RFX1: variants seen among roughly 807,000 people sequenced by gnomAD.
RFX1 encodes the protein MHC class II regulatory factor RFX1.
A neutral mutation model predicts 119.6 loss-of-function variants in RFX1; 42 were observed. That is an observed-to-expected ratio of 0.35 (90% CI 0.27 to 0.45). The LOEUF (loss-of-function observed/expected upper bound fraction) is 0.45, where lower values mean the gene tolerates loss of function less well. Among genes scored for constraint, RFX1 ranks in the 20% least tolerant of loss-of-function variants. The pLI is 1.00. For synonymous variants in RFX1, 628 were observed against 618.5 expected (o/e 1.02, Z -0.23); for missense variants, 1,118 against 1,368.1 (o/e 0.82, Z 2.88).
At chr19:13,999,198 C>T (rs892088112) in intron 1 of RFX1, among the ~76,000 whole-genome samples, 10 of 152,132 alleles carry the variant, frequency 6.6e-5, no homozygotes, top group African/African-American at 1.9e-4. Flanking sequence ...TATATTTGAG[C>T]GTGAGAACCC....
Position 13,963,964 on chromosome 19 carries a change from G to C in RFX1, c.2255C>G (p.Thr752Arg), listed in dbSNP as rs1310502794. ...GAFAQTLRRY[T>R]SLNHLAQAAR... is the part of the protein sequence containing the mutation. ...CGCCTGCGCCAGGTGGTTGAGCGAC[G>C]TGTAGCGCCGCAGTGTCTGCGCGAA... is the stretch of plus-strand genomic sequence containing the variant. The change falls in exon 17 of 21, where the codon ACG (threonine) becomes AGG (arginine). Residue 752 changes from threonine to arginine, a missense_variant. This residue lies in a region of RFX1 where 338 missense variants were observed against 508.9 expected (regional missense o/e 0.66). Transcript: ENST00000254325. 1.9e-6 allele frequency: 3 copies of C among 1,541,526 alleles called. No individual in the cohort carries two copies. The highest frequency in any genetic ancestry group is 2.6e-6 in the Non-Finnish European group (3 of 1,147,290).
intron 1 of RFX1, among the ~76,000 whole-genome samples, chr19:13,995,158 C>T (rs1974965304): frequency 6.6e-6 from 1 of 151,732 alleles, no homozygotes; most frequent in South Asian, 2.1e-4. Flanking sequence ...GGTTAAGGTG[C>T]TTGCCCCAGG....
intron 5 of RFX1, among the ~76,000 whole-genome samples, chr19:13,981,313 G>A (rs767815140): frequency 1.3e-5 from 2 of 152,204 alleles, no homozygotes; most frequent in African/African-American, 2.4e-5. Flanking sequence ...AGGCTCAAAG[G>A]GGCCGGGCAT....
rs375240613 is a variant in RFX1 at position 13,963,546 on chromosome 19, G to A, written c.2562C>T (p.Ser854=). ...KAAKLFLLKW[S]FYSSMVIRDL... ...TCCCGCCGCGCGCGCACCTGTAGAA[G>A]GACCACTTGAGGAGGAAGAGCTTGG... Residue 854 remains serine (S), a synonymous_variant, in exon 18 of 21, where the codon TCC becomes TCT. Transcript: ENST00000254325. 116 of 1,603,786 alleles carry A rather than the reference G, an allele frequency of 7.2e-5. No homozygotes were observed. Among genetic ancestry groups the A allele is most frequent in the Non-Finnish European group, 9.1e-5 (107 of 1,178,942 alleles).
At position 13,968,445 on chromosome 19, in the gene RFX1, G is replaced by A. The variant is rs1001860324; in HGVS notation, c.1732+120C>T. 1 of 763,326 alleles carries A rather than the reference G, an allele frequency of 1.3e-6. No homozygotes were observed. The highest frequency in any genetic ancestry group is 2.3e-6 in the Non-Finnish European group (1 of 435,164). The allele number at this position is 763,326 out of a possible 1,614,324, so 47.3% of individuals were successfully genotyped here. ...TCTCCCCCACCCCCTGCTGGTTCTC[G>A]GGCATCTCTCACCAAGCCCTCCCCA... On this transcript the variant is annotated intron_variant, in intron 12 of 20. Transcript: ENST00000254325. The surrounding 1 kb of genome is among the most constrained non-coding windows in gnomAD (Gnocchi z 5.5).
chr19:13,997,105 G>GC (rs898679391), intron 1 of RFX1, among the ~76,000 whole-genome samples: 16 of 152,116 alleles, frequency 1.1e-4, no homozygotes, highest in African/African-American at 3.6e-4. Flanking sequence ...CAAAGGTTAC[G>GC]CCCCCTGCCC....
intron 1 of RFX1, among the ~76,000 whole-genome samples, chr19:13,999,868 G>A (rs1344187056): frequency 1.3e-5 from 2 of 152,020 alleles, no homozygotes. Context: ...TACAGATGGG[G>A]TTTCACCATG....
intron 1 of RFX1, among the ~76,000 whole-genome samples, chr19:13,995,856 A>T (rs1345850867): frequency 2.1e-5 from 3 of 143,564 alleles, no homozygotes; most frequent in African/African-American, 8.6e-5. Context: ...GTCTCCAAAA[A>T]AAAAAAAAAA....
intron 17 of RFX1, 52 bp downstream of exon 17, chr19:13,963,806 C>T (rs1973801278): frequency 6.7e-7 from 1 of 1,496,628 alleles, no homozygotes; most frequent in South Asian, 1.3e-5. Flanking sequence ...CCGCCTGGCC[C>T]GCCCCGTTAG....
intron 7 of RFX1, among the ~76,000 whole-genome samples, chr19:13,978,710 C>T (rs868354810): frequency 6.6e-6 from 1 of 152,100 alleles, no homozygotes; most frequent in Admixed American, 6.5e-5. Context: ...CCCCCGCCCC[C>T]GCCCGCCCGC....
chr19:13,967,964 C>T (rs1973957543), intron 12 of RFX1, among the ~76,000 whole-genome samples: 1 of 152,048 alleles, frequency 6.6e-6, no homozygotes, highest in Non-Finnish European at 1.5e-5. Context: ...GATTTGAAAT[C>T]TCATGTATGC....
chr19:13,997,795 G>C (rs1276758118), intron 1 of RFX1, among the ~76,000 whole-genome samples: 1 of 152,090 alleles, frequency 6.6e-6, no homozygotes, highest in East Asian at 1.9e-4. Flanking sequence ...AGCCGTTTGG[G>C]GCCTTCCCAC....
intron 8 of RFX1, among the ~76,000 whole-genome samples, chr19:13,977,333 G>A (rs1974280113): frequency 1.3e-5 from 2 of 151,432 alleles, no homozygotes; most frequent in Admixed American, 6.6e-5. Flanking sequence ...TGGATAGAGG[G>A]CTAGAGTTTC....
At position 13,969,094 on chromosome 19, in the gene RFX1, T is replaced by C. The variant is rs917383854; in HGVS notation, c.1497-200A>G. Reference sequence around the variant, plus strand: ...AGATCCAGCGGTTTGCCCAAGATTATGCATAAATGAATGGCTGAATGGATG... The same window carrying C: ...AGATCCAGCGGTTTGCCCAAGATTACGCATAAATGAATGGCTGAATGGATG... On this transcript the variant is annotated intron_variant, in intron 10 of 20. Coordinates refer to ENST00000254325, the MANE Select transcript of RFX1 (RefSeq NM_002918.5). The surrounding 1 kb of genome is among the most constrained non-coding windows in gnomAD (Gnocchi z 4.5). 6.6e-6 allele frequency among the ~76,000 whole-genome samples: 1 copy of C among 152,178 alleles called. No homozygotes were observed. Among genetic ancestry groups the C allele is most frequent in the Non-Finnish European group, 1.5e-5 (1 of 68,042 alleles).
At position 13,979,505 on chromosome 19, in the gene RFX1, G is replaced by C. The variant is rs1416967577; in HGVS notation, c.776C>G (p.Pro259Arg). Residue 259 changes from proline to arginine, a missense_variant, in exon 7 of 21, where the codon CCC becomes CGC. By Grantham distance (103) the Pro-to-Arg change is moderately radical. Coordinates refer to ENST00000254325, the MANE Select transcript of RFX1 (RefSeq NM_002918.5). ...CACGGTCAGCGGCTGCACCGGGCCGGGTTTGGGCGCTTGTGGAGTGGCCTG... is the reference window on the plus strand; with the variant it reads ...CACGGTCAGCGGCTGCACCGGGCCGCGTTTGGGCGCTTGTGGAGTGGCCTG... ...VVQATPQAPK[P>R]GPVQPLTVQG... is the part of the protein sequence containing the mutation. 8 of 1,604,870 alleles carry C rather than the reference G, an allele frequency of 5.0e-6. No homozygotes were observed. Among genetic ancestry groups the C allele is most frequent in the Non-Finnish European group, 6.8e-6 (8 of 1,174,982 alleles).
In RFX1 at chr19:13,983,505, T is replaced by C. The variant is rs1288226371; in HGVS notation, c.410A>G (p.Gln137Arg). The C allele has an allele frequency of 1.2e-6, 2 of 1,610,528 alleles. No homozygotes were observed. The highest frequency in any genetic ancestry group is 1.7e-6 in the Non-Finnish European group (2 of 1,179,240). Residue 137 changes from glutamine (Q) to arginine (R), a missense_variant, in exon 3 of 21, where the codon CAG becomes CGG. By Grantham distance (43) the Gln-to-Arg change is conservative. Transcript: ENST00000254325. ...TCCTACCTGCTGGGTGCCCTGCACC[T>C]GCTGAACCACCTGAGTAGGAACGCC... ...QTGVPTQVVQ[Q>R]VQGTQQRLLV... is the part of the protein sequence containing the mutation.
chr19:13,993,948 AG>A (rs1390818602), intron 1 of RFX1, 53 bp from the exon 2 acceptor site: 1 of 986,470 alleles, frequency 1.0e-6, no homozygotes, highest in Middle Eastern at 2.7e-4. Flanking sequence ...AAACAAAAGA[AG>A]GAAAAACAGG....
At chr19:13,994,152 C>A (rs1365436946) in intron 1 of RFX1, among the ~76,000 whole-genome samples, 1 of 152,126 alleles carries the variant, frequency 6.6e-6, no homozygotes. Context: ...AGGACTCCTG[C>A]CTTCCCAGTC....
rs1008289927 is a variant in RFX1 at position 13,962,022 on chromosome 19, C to T, written c.*673G>A. Reference sequence around the variant, plus strand: ...GGGGTCTGTGGGCACTCCCCGGCTCCGCGGCTCGCTGCTCTTTGGAAGCTG... The same window carrying T: ...GGGGTCTGTGGGCACTCCCCGGCTCTGCGGCTCGCTGCTCTTTGGAAGCTG... On this transcript the variant is annotated 3_prime_UTR_variant, in exon 21 of 21. Transcript: ENST00000254325. 1 of 152,246 alleles carries T rather than the reference C, an allele frequency of 6.6e-6. No individual in the cohort carries two copies. Among genetic ancestry groups the T allele is most frequent in the Non-Finnish European group, 1.5e-5 (1 of 68,074 alleles). The allele number at this position is 152,246 out of a possible 1,614,324, so 9.4% of individuals were successfully genotyped here. A position where few individuals can be genotyped will look rare whatever the true frequency, so the allele number is the denominator to read the frequency against.
Sources: allele counts gnomAD v4.1 joint callset (sites outside exome capture counted in the v4.1 genomes callset), GRCh38; gene constraint gnomAD v4.1.1; regional missense constraint gnomAD v4.1.1; non-coding constraint Gnocchi (gnomAD v3.1); transcripts MANE v1.5; gene names NCBI Gene and HGNC (gene_info 2026-07-23, HGNC 2026-07-21).